Variants in CHMP4C observed in about 807,000 individuals in gnomAD.
The protein encoded by CHMP4C is SNF7 homolog associated with Alix 3.
A neutral mutation model predicts 29.0 loss-of-function variants in CHMP4C; 28 were observed. The ratio of observed to expected loss-of-function variants is 0.97; its 90% CI spans 0.72 to 1.32. CHMP4C has a LOEUF of 1.32. Among genes scored for constraint, CHMP4C ranks in the 40% most tolerant of loss-of-function variants. The probability of loss-of-function intolerance (pLI) is 0.00; values close to 1 mark genes in which losing one functional copy is unlikely to be tolerated. For missense variants in CHMP4C, 291 were observed against 281.0 expected, an observed-to-expected ratio of 1.04 and a Z score of -0.25; for synonymous variants, 106 against 102.4, an observed-to-expected ratio of 1.04 and a Z score of -0.21.
intron 1 of CHMP4C, among the ~76,000 whole-genome samples, chr8:81,745,187 G>A (rs149942214): frequency 1.3e-5 from 2 of 152,242 alleles, no homozygotes; most frequent in Non-Finnish European, 2.9e-5. Context: ...ACATGACCAC[G>A]AGCCTTCCCA....
chr8:81,758,475 TC>T lies in CHMP4C; in HGVS notation c.638-3del. 6.2e-7 allele frequency: 1 copy of T among 1,610,404 alleles called. No homozygotes were observed. Among genetic ancestry groups the T allele is most frequent in the South Asian group, 1.1e-5 (1 of 90,874 alleles). Reference sequence around the variant, plus strand: ...TTACTAATTTTTATCTATTTTATGTTCCAGCATCTTCCCAGAGGGCAGAAGA... The same window carrying T: ...TTACTAATTTTTATCTATTTTATGTTCAGCATCTTCCCAGAGGGCAGAAGA... On this transcript the variant is annotated splice_region_variant and splice_polypyrimidine_tract_variant and intron_variant, in intron 4 of 4. Coordinates refer to ENST00000297265, the MANE Select transcript of CHMP4C (RefSeq NM_152284.4).
chr8:81,740,685 A>G (rs528859200), intron 1 of CHMP4C, among the ~76,000 whole-genome samples: 34 of 152,338 alleles, frequency 2.2e-4, no homozygotes, highest in South Asian at 8.3e-4. Flanking sequence ...TGCCCTCAAT[A>G]TTCCTTCTGA....
intron 1 of CHMP4C, among the ~76,000 whole-genome samples, chr8:81,736,504 G>A (rs1160620619): frequency 6.6e-6 from 1 of 152,078 alleles, no homozygotes; most frequent in Non-Finnish European, 1.5e-5. Flanking sequence ...AAACAGTTTA[G>A]AGACACTTCC....
chr8:81,747,361 A>G (rs6473298), intron 1 of CHMP4C, among the ~76,000 whole-genome samples: 122,072 of 151,430 alleles, frequency 0.81, 49,436 homozygotes, highest in East Asian at 0.88. Context: ...AAAAAAGAGT[A>G]AAGCCTTAGG....
At chr8:81,747,872 C>T (rs894181628) in intron 1 of CHMP4C, among the ~76,000 whole-genome samples, 2 of 152,122 alleles carry the variant, frequency 1.3e-5, no homozygotes, top group East Asian at 3.9e-4. Context: ...GCACCATTGT[C>T]ATTGATAACA....
intron 1 of CHMP4C, among the ~76,000 whole-genome samples, chr8:81,752,325 G>A (rs1223350077): frequency 6.6e-6 from 1 of 152,076 alleles, no homozygotes; most frequent in Non-Finnish European, 1.5e-5. Flanking sequence ...TGCCTTCCAA[G>A]GTGCCACAGT....
At chr8:81,739,418 T>TAGGGGG (rs113653252) in intron 1 of CHMP4C, among the ~76,000 whole-genome samples, 1 of 93,564 alleles carries the variant, frequency 1.1e-5, no homozygotes, top group African/African-American at 4.1e-5. Flanking sequence ...TGGGGGATTG[T>TAGGGGG]GGGGGGGGGT....
chr8:81,757,995 G>T, intron 3 of CHMP4C, 147 bp from the exon 4 acceptor site: 1 of 728,072 alleles, frequency 1.4e-6, no homozygotes. Flanking sequence ...GCTCAGTGTT[G>T]CAAAAAAGAC....
At chr8:81,747,739 G>A (rs1381509432) in intron 1 of CHMP4C, among the ~76,000 whole-genome samples, 2 of 152,106 alleles carry the variant, frequency 1.3e-5, no homozygotes, top group African/African-American at 2.4e-5. Flanking sequence ...TGGTAGGATA[G>A]GTGTGGGTGA....
At chr8:81,739,178 C>A (rs1014261980) in intron 1 of CHMP4C, among the ~76,000 whole-genome samples, 1 of 149,142 alleles carries the variant, frequency 6.7e-6, no homozygotes, top group African/African-American at 2.5e-5. Context: ...CTCACTGCAA[C>A]CTCTGCCTCC....
At chr8:81,746,818 G>T (rs1023647128) in intron 1 of CHMP4C, among the ~76,000 whole-genome samples, 1 of 152,162 alleles carries the variant, frequency 6.6e-6, no homozygotes, top group Non-Finnish European at 1.5e-5. Context: ...ACTAACAATT[G>T]TAAGGTTCAG....
At chr8:81,753,315 G>A in intron 2 of CHMP4C, 74 bp downstream of exon 2, 1 of 1,183,260 alleles carries the variant, frequency 8.5e-7, no homozygotes, top group Non-Finnish European at 1.1e-6. Context: ...CCATATGATG[G>A]TTTTGGCAGG....
At chr8:81,752,170 A>C (rs1357243664) in intron 1 of CHMP4C, among the ~76,000 whole-genome samples, 1 of 152,322 alleles carries the variant, frequency 6.6e-6, no homozygotes, top group Non-Finnish European at 1.5e-5. Flanking sequence ...TACCTGCTTT[A>C]CTTTGAAACC....
chr8:81,756,908 T>G (rs1206199720), intron 3 of CHMP4C, among the ~76,000 whole-genome samples: 1 of 152,116 alleles, frequency 6.6e-6, no homozygotes, highest in African/African-American at 2.4e-5. Flanking sequence ...TGGAGATCCA[T>G]CAAGTACACA....
At chr8:81,744,991 A>T (rs546117835) in intron 1 of CHMP4C, among the ~76,000 whole-genome samples, 4 of 152,250 alleles carry the variant, frequency 2.6e-5, no homozygotes, top group African/African-American at 9.6e-5. Context: ...TTTTCAATCT[A>T]ACCTGTGACA....
intron 2 of CHMP4C, among the ~76,000 whole-genome samples, chr8:81,754,157 A>G (rs144261900): frequency 1.0e-3 from 159 of 152,254 alleles, no homozygotes; most frequent in Admixed American, 1.8e-3. Context: ...TGAATAATTC[A>G]TTAACAATCA....
At chr8:81,739,418 T>A (rs867612450) in intron 1 of CHMP4C, among the ~76,000 whole-genome samples, 14 of 93,564 alleles carry the variant, frequency 1.5e-4, no homozygotes, top group African/African-American at 5.3e-4. Flanking sequence ...TGGGGGATTG[T>A]GGGGGGGGGT....
At chr8:81,740,266 T>A (rs912882966) in intron 1 of CHMP4C, among the ~76,000 whole-genome samples, 2 of 152,132 alleles carry the variant, frequency 1.3e-5, no homozygotes, top group Non-Finnish European at 2.9e-5. Context: ...TGGAAGACAA[T>A]TTTTCCATGG....
At chr8:81,753,004 C>T in intron 1 of CHMP4C, 60 bp from the exon 2 acceptor site, 1 of 1,441,266 alleles carries the variant, frequency 6.9e-7, no homozygotes, top group Non-Finnish European at 9.4e-7. Context: ...GCTGAGCAAA[C>T]ATCTCTTGAT....
Sources: gnomAD v4.1 joint callset for allele counts (sites outside exome capture counted in the v4.1 genomes callset) on GRCh38, gnomAD v4.1.1 for gene constraint, MANE v1.5 for transcripts, NCBI Gene and HGNC (gene_info 2026-07-23, HGNC 2026-07-21) for gene names.